TLE1: variants seen among roughly 807,000 people sequenced by gnomAD.
The protein encoded by TLE1 is transducin-like enhancer protein 1.
Under a neutral mutation model 89.8 loss-of-function variants are expected in TLE1, and 21 were observed. The observed-to-expected ratio is 0.23, with a 90% confidence interval of 0.17 to 0.34. The LOEUF (loss-of-function observed/expected upper bound fraction) is 0.34, where lower values mean the gene tolerates loss of function less well. TLE1 is among the 10% of genes least tolerant of loss of function. The pLI is 1.00. For synonymous variants in TLE1, 447 were observed against 407.6 expected (o/e 1.10, Z -1.16); for missense variants, 795 against 1,031.2 (o/e 0.77, Z 3.14).
chr9:81,649,106 C>G (rs552897575), intron 6 of TLE1, among the ~76,000 whole-genome samples: 1 of 152,202 alleles, frequency 6.6e-6, no homozygotes, highest in Admixed American at 6.5e-5. Context: ...GCTGTCAAAG[C>G]TGTTTAAAAA....
chr9:81,604,214 G>A (rs941911986), intron 14 of TLE1, among the ~76,000 whole-genome samples: 1 of 152,126 alleles, frequency 6.6e-6, no homozygotes. Context: ...TTCCTTCCCT[G>A]CACCCCATCC....
intron 14 of TLE1, among the ~76,000 whole-genome samples, chr9:81,603,756 C>T (rs1006457238): frequency 7.9e-5 from 12 of 152,198 alleles, no homozygotes; most frequent in Non-Finnish European, 1.3e-4. Flanking sequence ...AATCCCAGCA[C>T]TTTGGGAGGC....
chr9:81,602,574 A>T (rs1831079761), intron 14 of TLE1, among the ~76,000 whole-genome samples: 1 of 152,014 alleles, frequency 6.6e-6, no homozygotes, highest in Admixed American at 6.6e-5. Context: ...TCAGGTGTGG[A>T]ATTTTCCATG....
intron 4 of TLE1, among the ~76,000 whole-genome samples, chr9:81,662,694 G>A (rs184464772): frequency 1.3e-5 from 2 of 148,692 alleles, no homozygotes; most frequent in South Asian, 2.1e-4. Context: ...GTGAAACTCC[G>A]TATCAAAAAA....
At position 81,616,129 on chromosome 9, in the gene TLE1, AG is replaced by A; in HGVS notation, c.770del (p.Pro257LeufsTer23). The A allele has an allele frequency of 6.2e-7, 1 of 1,610,286 alleles. No individual in the cohort carries two copies. The highest frequency in any genetic ancestry group is 8.5e-7 in the Non-Finnish European group (1 of 1,179,108). The stretch of plus-strand genomic sequence containing the variant: ...GGGCAGGGCTTGCTCGCGGAGAAGA[AG>A]GGTCCTCAACAAGCATAATCAAAAG... ...NLVVDVSNED[P>X]SSPRASPAHS... On this transcript the variant is annotated frameshift_variant, in exon 11 of 20. Coordinates refer to ENST00000376499, the MANE Select transcript of TLE1 (RefSeq NM_005077.5). LOFTEE classifies it high-confidence loss of function.
chr9:81,666,809 A>T (rs1049900044), intron 4 of TLE1, among the ~76,000 whole-genome samples: 1 of 136,030 alleles, frequency 7.4e-6, no homozygotes, highest in African/African-American at 2.7e-5. Flanking sequence ...ATAAATAAAT[A>T]AAATAAAATA....
chr9:81,632,917 C>T (rs1413314713), intron 8 of TLE1, among the ~76,000 whole-genome samples: 2 of 152,132 alleles, frequency 1.3e-5, no homozygotes, highest in South Asian at 2.1e-4. Flanking sequence ...ACATTACTAA[C>T]CAACTTCACA....
At chr9:81,594,677 T>C (rs1244138153) in intron 14 of TLE1, among the ~76,000 whole-genome samples, 1 of 152,210 alleles carries the variant, frequency 6.6e-6, no homozygotes, top group African/African-American at 2.4e-5. Context: ...TCCTTCCCAT[T>C]ACCCTCGAGA....
chr9:81,658,586 T>G (rs1307117856), intron 4 of TLE1, among the ~76,000 whole-genome samples: 3 of 152,272 alleles, frequency 2.0e-5, no homozygotes, highest in Admixed American at 6.5e-5. Context: ...ACTGTTCTAT[T>G]AACAAGCTGG....
intron 4 of TLE1, among the ~76,000 whole-genome samples, chr9:81,677,597 G>A (rs1833065369): frequency 6.7e-6 from 1 of 148,882 alleles, no homozygotes; most frequent in Non-Finnish European, 1.5e-5. Flanking sequence ...AAACAACTCA[G>A]GTAAACGCAC....
chr9:81,631,638 G>GA (rs1275289756), intron 8 of TLE1, among the ~76,000 whole-genome samples: 1 of 152,212 alleles, frequency 6.6e-6, no homozygotes, highest in African/African-American at 2.4e-5. Flanking sequence ...CATTTAAGGT[G>GA]AAACAGGAGT....
At chr9:81,676,362 A>G (rs1368043266) in intron 4 of TLE1, among the ~76,000 whole-genome samples, 12 of 152,186 alleles carry the variant, frequency 7.9e-5, no homozygotes, top group Non-Finnish European at 1.5e-5. Context: ...CAGGACACTG[A>G]GCAAAACAAG....
intron 14 of TLE1, among the ~76,000 whole-genome samples, chr9:81,603,421 A>G (rs1831213291): frequency 6.6e-6 from 1 of 152,198 alleles, no homozygotes; most frequent in Admixed American, 6.5e-5. Flanking sequence ...TGAGAGATCC[A>G]GGAAAGACTT....
intron 16 of TLE1, among the ~76,000 whole-genome samples, chr9:81,589,446 C>G (rs1405076925): frequency 6.6e-6 from 1 of 152,172 alleles, no homozygotes. Context: ...GCAGCAGCCA[C>G]TAGCCACCTG....
rs1229709305 is a variant in TLE1, at chr9:81,593,147, C to T, written c.1459G>A (p.Val487Met). ...QINTLNHGEV[V>M]CAVTISNPTR... ...GGGTTGCTGATGGTCACAGCGCACACCACCTCCCCGTGGTTGAGGGTGTTG... is the reference window on the plus strand; with the variant it reads ...GGGTTGCTGATGGTCACAGCGCACATCACCTCCCCGTGGTTGAGGGTGTTG... The change falls in exon 15 of 20, where the codon GTG becomes ATG. Residue 487 changes from valine to methionine, a missense_variant. Val to Met is a conservative substitution (Grantham distance 21, BLOSUM62 1). This residue lies in a region of TLE1 where 468 missense variants were observed against 509.1 expected (regional missense o/e 0.92). Coordinates refer to ENST00000376499, the MANE Select transcript of TLE1 (RefSeq NM_005077.5). 3 of 1,614,158 alleles carry T rather than the reference C, an allele frequency of 1.9e-6. No homozygotes were observed. The highest frequency in any genetic ancestry group is 2.5e-6 in the Non-Finnish European group (3 of 1,180,034).
chr9:81,653,613 T>C (rs1361840793), intron 5 of TLE1, among the ~76,000 whole-genome samples: 1 of 152,236 alleles, frequency 6.6e-6, no homozygotes, highest in African/African-American at 2.4e-5. Context: ...AAAGTCTACC[T>C]TGATGGAACC....
At chr9:81,602,796 C>A (rs1831114380) in intron 14 of TLE1, among the ~76,000 whole-genome samples, 1 of 151,390 alleles carries the variant, frequency 6.6e-6, no homozygotes, top group African/African-American at 2.4e-5. Context: ...CAAAACTGGG[C>A]ATGAGAAAGG....
chr9:81,616,256 A>T, intron 10 of TLE1, 122 bp from the exon 11 acceptor site: 4 of 1,215,550 alleles, frequency 3.3e-6, no homozygotes, highest in Non-Finnish European at 4.6e-6. Flanking sequence ...GGGTTGTACA[A>T]GGTGACCAAC....
At chr9:81,606,934 A>G (rs1176936984) in intron 14 of TLE1, among the ~76,000 whole-genome samples, 1 of 151,896 alleles carries the variant, frequency 6.6e-6, no homozygotes, top group Non-Finnish European at 1.5e-5. Context: ...CCTAAAAAAT[A>G]TATTTTAGGC....
Sources: gnomAD v4.1 joint callset for allele counts (sites outside exome capture counted in the v4.1 genomes callset) on GRCh38, gnomAD v4.1.1 for gene constraint, gnomAD v4.1.1 regional missense constraint, MANE v1.5 for transcripts, NCBI Gene and HGNC (gene_info 2026-07-23, HGNC 2026-07-21) for gene names.